Variants in QKI observed in about 807,000 individuals in gnomAD.
The protein encoded by QKI is KH domain-containing RNA-binding protein QKI.
QKI carries 10 observed loss-of-function variants against 39.0 expected under a neutral mutation model. The observed-to-expected ratio is 0.26, with a 90% CI of 0.16 to 0.43. The LOEUF (loss-of-function observed/expected upper bound fraction) is 0.43. QKI is among the 20% of genes least tolerant of loss of function. The pLI, the probability that QKI is intolerant of heterozygous loss-of-function variation, is 1.00. For synonymous variants in QKI, 204 were observed against 155.4 expected, an observed-to-expected ratio of 1.31 and a Z score of -2.33; for missense variants, 218 against 428.0, an observed-to-expected ratio of 0.51 and a Z score of 4.33.
chr6:163,540,198 T>G (rs539176701), intron 4 of QKI, among the ~76,000 whole-genome samples: 1 of 152,102 alleles, frequency 6.6e-6, no homozygotes, highest in Non-Finnish European at 1.5e-5. Context: ...TTGTTAGGTG[T>G]TGTATAGCAA....
At chr6:163,443,801 C>T (rs921064882) in intron 1 of QKI, among the ~76,000 whole-genome samples, 12 of 152,104 alleles carry the variant, frequency 7.9e-5, no homozygotes, top group Non-Finnish European at 1.2e-4. Flanking sequence ...TGAATACAAT[C>T]GAAAAGGTTA....
rs964321352 is a variant in QKI at position 163,575,200 on chromosome 6, T to C, written c.*4490T>C. ...GAAGCTGTCTGTCAAGCTGCTAATATACAAGTTGTCATGGTACCATGTAAC... is the reference window on the plus strand; with the variant it reads ...GAAGCTGTCTGTCAAGCTGCTAATACACAAGTTGTCATGGTACCATGTAAC... On this transcript the variant is annotated 3_prime_UTR_variant, in exon 8 of 8. Coordinates refer to ENST00000361752, the MANE Select transcript of QKI (RefSeq NM_006775.3). The C allele has an allele frequency of 7.9e-5, 12 of 152,218 alleles. No individual in the cohort carries two copies. Among genetic ancestry groups the C allele is most frequent in the Non-Finnish European group, 1.6e-4 (11 of 68,040 alleles). 9.4% of individuals were successfully genotyped at this position (152,218 alleles called of 1,614,324 possible).
At chr6:163,534,310 G>C (rs1481219452) in intron 3 of QKI, among the ~76,000 whole-genome samples, 1 of 152,114 alleles carries the variant, frequency 6.6e-6, no homozygotes. Flanking sequence ...TTAATTTTAA[G>C]GTATGGTCTG....
intron 3 of QKI, among the ~76,000 whole-genome samples, chr6:163,480,114 G>T (rs923305188): frequency 6.6e-6 from 1 of 152,034 alleles, no homozygotes; most frequent in Non-Finnish European, 1.5e-5. Flanking sequence ...TACCTAGTTT[G>T]TCTTACCCAG....
intron 3 of QKI, among the ~76,000 whole-genome samples, chr6:163,500,849 C>T (rs576106945): frequency 6.6e-6 from 1 of 152,172 alleles, no homozygotes; most frequent in African/African-American, 2.4e-5. Flanking sequence ...TTTGCAAAGA[C>T]TTTGGTGGCC....
chr6:163,438,862 A>T (rs1018423452), intron 1 of QKI, among the ~76,000 whole-genome samples: 3 of 152,210 alleles, frequency 2.0e-5, no homozygotes, highest in Non-Finnish European at 4.4e-5. Context: ...TAACCTTAAC[A>T]TACTATAACT....
intron 4 of QKI, among the ~76,000 whole-genome samples, chr6:163,539,933 T>A (rs1015586575): frequency 1.3e-5 from 2 of 152,040 alleles, no homozygotes. Flanking sequence ...TAAAATCTCT[T>A]GGTTCTTATA....
chr6:163,509,133 G>A (rs142037902), intron 3 of QKI, among the ~76,000 whole-genome samples: 14 of 152,126 alleles, frequency 9.2e-5, no homozygotes, highest in East Asian at 5.9e-4. Context: ...GTGAGACTCC[G>A]TCTCAGTCAG....
intron 1 of QKI, among the ~76,000 whole-genome samples, chr6:163,450,788 A>G (rs1790504699): frequency 6.6e-6 from 1 of 152,228 alleles, no homozygotes. Context: ...AGGAGCCTAA[A>G]TGCTGTAAAG....
intron 1 of QKI, among the ~76,000 whole-genome samples, chr6:163,418,511 G>C (rs995603211): frequency 6.6e-6 from 1 of 152,064 alleles, no homozygotes; most frequent in African/African-American, 2.4e-5. Context: ...GCTGGTGGTG[G>C]GGGTGTGTGT....
chr6:163,421,906 G>A (rs146496033), intron 1 of QKI, among the ~76,000 whole-genome samples: 3,429 of 151,540 alleles, frequency 0.023, 123 homozygotes, highest in African/African-American at 0.078. Flanking sequence ...CACCACGCCC[G>A]GCTAATTTTT....
intron 3 of QKI, among the ~76,000 whole-genome samples, chr6:163,503,187 G>T: frequency 7.2e-6 from 1 of 137,974 alleles, no homozygotes; most frequent in East Asian, 2.2e-4. Context: ...AAAGAAATGA[G>T]ATGAGGCTGG....
At chr6:163,539,602 A>G (rs575602209) in intron 4 of QKI, among the ~76,000 whole-genome samples, 1 of 152,210 alleles carries the variant, frequency 6.6e-6, no homozygotes, top group South Asian at 2.1e-4. Context: ...AGTAGTGAAC[A>G]TTTCCCTTCT....
At position 163,414,723 on chromosome 6, in the gene QKI, C is replaced by CGGAG. The variant is rs1787268367; in HGVS notation, c.-470_-467dup. 1.3e-5 allele frequency: 2 copies of CGGAG among 149,600 alleles called. No homozygotes were observed. Among genetic ancestry groups the CGGAG allele is most frequent in the East Asian group, 3.9e-4 (2 of 5,170 alleles). The allele number at this position is 149,600 out of a possible 1,614,324, so 9.3% of individuals were successfully genotyped here. A position where few individuals can be genotyped will look rare whatever the true frequency, so the allele number is the denominator to read the frequency against. On this transcript the variant is annotated 5_prime_UTR_variant, in exon 1 of 8. Coordinates refer to ENST00000361752, the MANE Select transcript of QKI (RefSeq NM_006775.3). ...GGAGGAGGAAGAGGAGGAGCGCAGTCGGAGCGCGGCGGCAGCGGCAGAGGC... is the reference window on the plus strand; with the variant it reads ...GGAGGAGGAAGAGGAGGAGCGCAGTCGGAGGGAGCGCGGCGGCAGCGGCAGAGGC...
At chr6:163,552,203 G>GTTTTT (rs1782272263) in intron 4 of QKI, among the ~76,000 whole-genome samples, 2 of 107,396 alleles carry the variant, frequency 1.9e-5, no homozygotes, top group African/African-American at 6.9e-5. Context: ...AAGTTCGTTC[G>GTTTTT]TTCTTTTTTT....
chr6:163,419,568 A>G (rs932781156), intron 1 of QKI, among the ~76,000 whole-genome samples: 4 of 152,104 alleles, frequency 2.6e-5, no homozygotes, highest in East Asian at 3.9e-4. Context: ...ATTTATAATC[A>G]CTTCTTTCCA....
At chr6:163,568,514 A>G (rs554385872) in intron 7 of QKI, 2 of 984,736 alleles carry the variant, frequency 2.0e-6, no homozygotes, top group South Asian at 4.7e-5. Flanking sequence ...CTTTTTTAGT[A>G]ACAGAGTACT....
intron 3 of QKI, among the ~76,000 whole-genome samples, chr6:163,495,400 CGT>C (rs1178050169): frequency 6.6e-6 from 1 of 152,020 alleles, no homozygotes; most frequent in African/African-American, 2.4e-5. Flanking sequence ...TGAGCATGCG[CGT>C]GTGTGTCTGT....
intron 1 of QKI, among the ~76,000 whole-genome samples, chr6:163,447,242 G>A (rs1301284628): frequency 7.0e-6 from 1 of 141,882 alleles, no homozygotes; most frequent in South Asian, 2.2e-4. Context: ...TTTATGAGGT[G>A]CACGTGATTT....
Sources: gnomAD v4.1 joint callset for allele counts (sites outside exome capture counted in the v4.1 genomes callset) on GRCh38, gnomAD v4.1.1 for gene constraint, MANE v1.5 for transcripts, NCBI Gene and HGNC (gene_info 2026-07-23, HGNC 2026-07-21) for gene names.